OR1L8: variants seen among roughly 807,000 people sequenced by gnomAD.
The protein encoded by OR1L8 is olfactory receptor 1L8.
For synonymous variants in OR1L8, 148 were observed against 147.0 expected (o/e 1.01, Z -0.05); for missense variants, 330 against 377.4 (o/e 0.87, Z 1.04).
In OR1L8 at chr9:122,567,507, T is replaced by A; in HGVS notation, c.*41A>T. ...GAAACCAGTAGAAAACACGTCCAAG[T>A]TGAGCAGATTCCACTTACGAGTTTT... On this transcript the variant is annotated 3_prime_UTR_variant, in exon 5 of 5. Coordinates refer to ENST00000641027, the MANE Select transcript of OR1L8 (RefSeq NM_001004454.2). 1 of 1,410,484 alleles carries A rather than the reference T, an allele frequency of 7.1e-7. No individual in the cohort carries two copies. The allele number at this position is 1,410,484 out of a possible 1,614,324, so 87.4% of individuals were successfully genotyped here. A position where few individuals can be genotyped will look rare whatever the true frequency, so the allele number is the denominator to read the frequency against.
chr9:122,560,026 A>T, the OR1L8 span, among the ~76,000 whole-genome samples: 88,266 of 151,944 alleles, frequency 0.58, 26,148 homozygotes, highest in East Asian at 0.97. Context: ...ATTGGGTGCA[A>T]ATATATTTAA....
the OR1L8 span, among the ~76,000 whole-genome samples, chr9:122,552,837 C>T: frequency 1.3e-5 from 2 of 148,682 alleles, no homozygotes; most frequent in African/African-American, 5.0e-5. Context: ...CATGCATCTT[C>T]TTTCCAATTG....
downstream of OR1L8, among the ~76,000 whole-genome samples, chr9:122,563,952 C>A (rs1829390310): frequency 6.6e-6 from 1 of 152,172 alleles, no homozygotes; most frequent in Admixed American, 6.5e-5. Flanking sequence ...GTTGTCTATT[C>A]TGTTTCATTA....
At chr9:122,553,800 G>A in the OR1L8 span, 1 of 1,614,106 alleles carries the variant, frequency 6.2e-7, no homozygotes, top group Non-Finnish European at 8.5e-7. Context: ...AGATACCCAT[G>A]TAAACGAGCT....
chr9:122,575,352 G>A (rs374568866), intron 3 of OR1L8, among the ~76,000 whole-genome samples: 6 of 152,128 alleles, frequency 3.9e-5, no homozygotes, highest in African/African-American at 1.4e-4. Context: ...ATTAATTATT[G>A]AGTCAATTTC....
chr9:122,568,183 G>A lies in OR1L8; in HGVS notation c.295C>T (p.Leu99=), dbSNP rs1829471579. 10 of 1,614,090 alleles carry A rather than the reference G, an allele frequency of 6.2e-6. No homozygotes were observed. Among genetic ancestry groups the A allele is most frequent in the African/African-American group, 1.3e-5 (1 of 74,930 alleles). ...EKKTISYAGC[L]TQMYFLYALG... ...GCATAGAGAAAATACATCTGTGTCA[G>A]ACACCCAGCATAGGAGATGGTCTTC... The change falls in exon 5 of 5, where the codon CTG becomes TTG. Residue 99 remains leucine, a synonymous_variant. Coordinates refer to ENST00000641027, the MANE Select transcript of OR1L8 (RefSeq NM_001004454.2).
downstream of OR1L8, among the ~76,000 whole-genome samples, chr9:122,565,235 A>G (rs769043268): frequency 2.0e-5 from 3 of 152,192 alleles, no homozygotes; most frequent in Admixed American, 1.3e-4. Flanking sequence ...ATTGATGACA[A>G]AGATACCTGG....
the OR1L8 span, chr9:122,553,824 A>G: frequency 6.2e-7 from 1 of 1,613,924 alleles, no homozygotes; most frequent in East Asian, 2.2e-5. Context: ...GATCATCACC[A>G]TGGGCTTGCT....
chr9:122,567,331 C>A lies in OR1L8; in HGVS notation c.*217G>T. On this transcript the variant is annotated 3_prime_UTR_variant, in exon 5 of 5. Coordinates refer to ENST00000641027, the MANE Select transcript of OR1L8 (RefSeq NM_001004454.2). ...AGAAAGTGGAAAAAATAAATCTTTC[C>A]AAGAAAGAGGAGACACAGACAGGAA... is the stretch of plus-strand genomic sequence containing the variant. 1 of 414,454 alleles carries A rather than the reference C, an allele frequency of 2.4e-6. No homozygotes were observed. Among genetic ancestry groups the A allele is most frequent in the Non-Finnish European group, 4.3e-6 (1 of 235,114 alleles). 25.7% of individuals were successfully genotyped at this position (414,454 alleles called of 1,614,324 possible).
At chr9:122,574,616 ACAAT>A (rs149287244) in intron 3 of OR1L8, among the ~76,000 whole-genome samples, 24,777 of 152,006 alleles carry the variant, frequency 0.16, 2,410 homozygotes, top group Middle Eastern at 0.24. Context: ...TTCTATATAG[ACAAT>A]CAAATCATCT....
chr9:122,567,691 G>T lies in OR1L8; in HGVS notation c.787C>A (p.Pro263Thr). 6.2e-7 allele frequency: 1 copy of T among 1,614,108 alleles called. No homozygotes were observed. The highest frequency in any genetic ancestry group is 8.5e-7 in the Non-Finnish European group (1 of 1,179,998). Reference sequence around the variant, plus strand: ...TCCTTGACAGCGTAGGTGGATGGGGGCTGTAAATAGACACAGAAGATGCTT... The same window carrying T: ...TCCTTGACAGCGTAGGTGGATGGGGTCTGTAAATAGACACAGAAGATGCTT... Reference protein sequence around the residue: ...YGSIFCVYLQPPSTYAVKDHV... With the variant: ...YGSIFCVYLQTPSTYAVKDHV... The change falls in exon 5 of 5, where the codon CCC becomes ACC. Residue 263 changes from proline (P) to threonine (T), a missense_variant. By Grantham distance (38) the Pro-to-Thr change is conservative. Coordinates refer to ENST00000641027, the MANE Select transcript of OR1L8 (RefSeq NM_001004454.2).
chr9:122,570,652 G>C (rs796783999), intron 4 of OR1L8, among the ~76,000 whole-genome samples: 40 of 152,106 alleles, frequency 2.6e-4, no homozygotes, highest in Non-Finnish European at 1.5e-5. Flanking sequence ...CAGCGTCATC[G>C]TCCCTTATCT....
At chr9:122,553,478 T>C in the OR1L8 span, 1 of 1,614,072 alleles carries the variant, frequency 6.2e-7, no homozygotes, top group East Asian at 2.2e-5. Flanking sequence ...CCAACATTCA[T>C]ACCCAGAGTC....
chr9:122,548,271 T>C, the OR1L8 span, among the ~76,000 whole-genome samples: 1 of 152,250 alleles, frequency 6.6e-6, no homozygotes, highest in African/African-American at 2.4e-5. Context: ...GGGTAGTTAA[T>C]TGGGTGGAAT....
chr9:122,579,743 G>C (rs1829715224), intron 1 of OR1L8, among the ~76,000 whole-genome samples: 1 of 152,118 alleles, frequency 6.6e-6, no homozygotes, highest in African/African-American at 2.4e-5. Flanking sequence ...TATTAGTCAA[G>C]ATTTGTGTAG....
chr9:122,554,338 A>T, the OR1L8 span: 1 of 574,084 alleles, frequency 1.7e-6, no homozygotes, highest in East Asian at 3.0e-5. Context: ...GTGGAATGAG[A>T]TGTTCTGTCT....
chr9:122,546,341 AC>A, the OR1L8 span, among the ~76,000 whole-genome samples: 1 of 152,156 alleles, frequency 6.6e-6, no homozygotes, highest in African/African-American at 2.4e-5. Context: ...TCCCTTAGTG[AC>A]TTGTTTGACC....
rs200435617 is a variant in OR1L8 at position 122,568,417 on chromosome 9, G to T, written c.61C>A (p.Arg21=). Residue 21 remains arginine (R), a synonymous_variant, in exon 5 of 5, where the codon CGG becomes AGG. Coordinates refer to ENST00000641027, the MANE Select transcript of OR1L8 (RefSeq NM_001004454.2). ...AAGAGTGTCTTTTGGTCCTCAGGCCGGGAGGAGAGTCCCAGGAGGATAAAC... is the reference window on the plus strand; with the variant it reads ...AAGAGTGTCTTTTGGTCCTCAGGCCTGGAGGAGAGTCCCAGGAGGATAAAC... ...SEFILLGLSS[R]PEDQKTLFVL... 8 of 1,613,134 alleles carry T rather than the reference G, an allele frequency of 5.0e-6. No homozygotes were observed. Among genetic ancestry groups the T allele is most frequent in the African/African-American group, 1.3e-5 (1 of 74,990 alleles).
chr9:122,563,440 A>G (rs76583614), downstream of OR1L8, among the ~76,000 whole-genome samples: 6,810 of 152,128 alleles, frequency 0.045, 223 homozygotes, highest in Middle Eastern at 0.054. Context: ...TCTTTTCTCC[A>G]TTTTTAAAAT....
Sources: gnomAD v4.1 joint callset for allele counts (sites outside exome capture counted in the v4.1 genomes callset) on GRCh38, gnomAD v4.1.1 for gene constraint, MANE v1.5 for transcripts, NCBI Gene and HGNC (gene_info 2026-07-23, HGNC 2026-07-21) for gene names.